The following ST14 variants were observed in gnomAD, a reference collection of about 807,000 sequenced individuals.
ST14 encodes the protein ST14 transmembrane serine protease matriptase, also known as suppressor of tumorigenicity 14 protein.
A neutral mutation model predicts 96.5 loss-of-function variants in ST14; 40 were observed. The ratio of observed to expected loss-of-function variants is 0.41; its 90% CI spans 0.32 to 0.54. The LOEUF (loss-of-function observed/expected upper bound fraction) is 0.54. ST14 is among the 20% of genes least tolerant of loss of function. The probability of loss-of-function intolerance (pLI) is 0.17; values close to 1 mark genes in which losing one functional copy is unlikely to be tolerated. For missense variants in ST14, 1,066 were observed against 1,188.9 expected (o/e 0.90, Z 1.52); for synonymous variants, 506 against 492.1 (o/e 1.03, Z -0.37).
rs759150159 is a variant in ST14, at chr11:130,188,161, C to A, written c.129C>A (p.Asn43Lys). The change falls in exon 2 of 19, where the codon AAC becomes AAA. Residue 43 changes from asparagine to lysine, a missense_variant. Coordinates refer to ENST00000278742, the MANE Select transcript of ST14 (RefSeq NM_021978.4). The surrounding 1 kb of genome is among the most constrained non-coding windows in gnomAD (Gnocchi z 5.4). ...EEGVEFLPVN[N>K]VKKVEKHGPG... ...GCGTGGAGTTCCTGCCAGTCAACAA[C>A]GTCAAGAAGGTGGAAAAGCATGGCC... 1 of 1,614,198 alleles carries A rather than the reference C, an allele frequency of 6.2e-7. No individual in the cohort carries two copies. The highest frequency in any genetic ancestry group is 2.2e-5 in the East Asian group (1 of 44,884).
At position 130,181,080 on chromosome 11, in the gene ST14, C is replaced by T. The variant is rs1323634651; in HGVS notation, c.82-7034C>T. Among the ~76,000 whole-genome samples, 1 of 151,436 alleles carries T rather than the reference C, an allele frequency of 6.6e-6. No homozygotes were observed. The highest frequency in any genetic ancestry group is 1.9e-4 in the East Asian group (1 of 5,156). ...TTGGGTGAGATGGTGGTGGTCTGAT[C>T]TTGTCCCTGCTGGATGGGATGGCGG... On this transcript the variant is annotated intron_variant, in intron 1 of 18. Transcript: ENST00000278742. The surrounding 1 kb of genome is among the most constrained non-coding windows in gnomAD (Gnocchi z 4.1).
chr11:130,198,622 G>T lies in ST14; in HGVS notation c.1684+1G>T. The T allele has an allele frequency of 6.2e-7, 1 of 1,612,056 alleles. No individual in the cohort carries two copies. Among genetic ancestry groups the T allele is most frequent in the Non-Finnish European group, 8.5e-7 (1 of 1,178,732 alleles). On this transcript the variant is annotated splice_donor_variant, in intron 14 of 18. Coordinates refer to ENST00000278742, the MANE Select transcript of ST14 (RefSeq NM_021978.4). LOFTEE classifies it high-confidence loss of function. ...TCCGACGAGGCCTCCTGCCCCAAGG[G>T]TGAGGCCCGCCCCACCCATCTTCCT...
intron 16 of ST14, among the ~76,000 whole-genome samples, chr11:130,206,773 G>A (rs1425847083): frequency 6.6e-6 from 1 of 151,918 alleles, no homozygotes; most frequent in Non-Finnish European, 1.5e-5. Flanking sequence ...TCACCATGCT[G>A]GCCAGGCTGG....
rs182276812 is a variant in ST14, at chr11:130,199,076, A to G, written c.1807+7A>G. ...TCAGATGAGAAGGACTGCGGTGAGC[A>G]GGGCATCCGAGTACGGTTGTGCAGG... On this transcript the variant is annotated splice_region_variant and intron_variant, in intron 15 of 18. Transcript: ENST00000278742. 7.9e-5 allele frequency: 128 copies of G among 1,612,868 alleles called. No homozygotes were observed. The African/African-American group carries it at 1.6e-3, about 20-fold the overall frequency.
At chr11:130,206,718 C>A (rs1256185043) in intron 16 of ST14, among the ~76,000 whole-genome samples, 2 of 152,056 alleles carry the variant, frequency 1.3e-5, no homozygotes, top group African/African-American at 4.8e-5. Flanking sequence ...CAGGCACCGG[C>A]CACCACACCT....
chr11:130,184,664 A>G (rs886705119), intron 1 of ST14, among the ~76,000 whole-genome samples: 3 of 152,070 alleles, frequency 2.0e-5, no homozygotes, highest in Non-Finnish European at 4.4e-5. Flanking sequence ...CCAAATCTCC[A>G]CCTTGGCCCC....
intron 16 of ST14, among the ~76,000 whole-genome samples, chr11:130,203,027 G>A (rs953110482): frequency 6.6e-6 from 1 of 152,174 alleles, no homozygotes; most frequent in Non-Finnish European, 1.5e-5. Flanking sequence ...TGCCTTAAAC[G>A]TTAGAGGCTG....
Position 130,190,945 on chromosome 11 carries a change from C to A in ST14, c.875+251C>A, listed in dbSNP as rs186698429. On this transcript the variant is annotated intron_variant, in intron 7 of 18. Transcript: ENST00000278742. ...CCCCAGATACCAAATCCAGCCTGTGCGGCCTGTGCCCTGAACCGCCGGAGA... is the reference window on the plus strand; with the variant it reads ...CCCCAGATACCAAATCCAGCCTGTGAGGCCTGTGCCCTGAACCGCCGGAGA... Among the ~76,000 whole-genome samples the A allele has an allele frequency of 3.0e-4, 46 of 152,326 alleles. 1 individual carries two copies. Among genetic ancestry groups the A allele is most frequent in the Middle Eastern group, 6.8e-3 (2 of 294 alleles).
Position 130,209,762 on chromosome 11 carries a change from C to T in ST14, c.2507C>T (p.Pro836Leu). ...GACGGCTGCGCTCAGAGGAACAAGC[C>T]AGGCGTGTACACAAGGCTCCCTCTG... ...WGDGCAQRNK[P>L]GVYTRLPLFR... Residue 836 changes from proline to leucine, a missense_variant, in exon 19 of 19, where the codon CCA becomes CTA. Transcript: ENST00000278742. 2 of 1,614,046 alleles carry T rather than the reference C, an allele frequency of 1.2e-6. No homozygotes were observed. The highest frequency in any genetic ancestry group is 1.1e-5 in the South Asian group (1 of 91,090).
intron 6 of ST14, 90 bp downstream of exon 6, chr11:130,190,238 TC>T: frequency 1.9e-6 from 3 of 1,541,748 alleles, no homozygotes; most frequent in East Asian, 2.2e-5. Context: ...CAGAAGCATG[TC>T]CCTCTGAATG....
rs748099225 is a variant in ST14 at position 130,194,632 on chromosome 11, C to T, written c.1016-8C>T. Reference sequence around the variant, plus strand: ...GATCCTCTTGCTTTCTCCCACCTTCCCTCTCAGGCTGTGGAGGCCGCTTAC... The same window carrying T: ...GATCCTCTTGCTTTCTCCCACCTTCTCTCTCAGGCTGTGGAGGCCGCTTAC... On this transcript the variant is annotated splice_polypyrimidine_tract_variant and splice_region_variant and intron_variant, in intron 8 of 18. Coordinates refer to ENST00000278742, the MANE Select transcript of ST14 (RefSeq NM_021978.4). The T allele has an allele frequency of 2.5e-6, 4 of 1,613,948 alleles. No homozygotes were observed. In the African/African-American group the frequency reaches 5.3e-5, roughly 22 times the overall value.
At chr11:130,194,880 ATG>A (rs1027278991) in intron 9 of ST14, 143 bp downstream of exon 9, 231 of 774,466 alleles carry the variant, frequency 3.0e-4, no homozygotes, top group Non-Finnish European at 4.0e-4. Context: ...GTGTGTGCGT[ATG>A]TGTGTGTGTG....
At chr11:130,177,520 G>A (rs993456112) in intron 1 of ST14, among the ~76,000 whole-genome samples, 42 of 152,218 alleles carry the variant, frequency 2.8e-4, no homozygotes, top group African/African-American at 9.6e-4. Context: ...CCGATATGGC[G>A]CCATTGCACT....
intron 6 of ST14, 110 bp downstream of exon 6, chr11:130,190,258 T>A: frequency 6.6e-7 from 1 of 1,512,138 alleles, no homozygotes; most frequent in Non-Finnish European, 9.2e-7. Context: ...TGAAGTATAT[T>A]ATGACGATCT....
At chr11:130,206,790 ACTC>A (rs1381873839) in intron 16 of ST14, among the ~76,000 whole-genome samples, 2 of 149,238 alleles carry the variant, frequency 1.3e-5, no homozygotes, top group African/African-American at 4.9e-5. Context: ...CTGGTCTTGA[ACTC>A]CTAACCTCAG....
chr11:130,175,666 G>C (rs1168994226), intron 1 of ST14, among the ~76,000 whole-genome samples: 1 of 148,674 alleles, frequency 6.7e-6, no homozygotes, highest in Non-Finnish European at 1.5e-5. Flanking sequence ...TTACAGGCGT[G>C]AGCCACCACA....
intron 1 of ST14, among the ~76,000 whole-genome samples, chr11:130,172,669 A>G (rs974039949): frequency 6.6e-6 from 1 of 152,002 alleles, no homozygotes; most frequent in Non-Finnish European, 1.5e-5. Flanking sequence ...CGCCCGCCTC[A>G]GCCTCCCAAA....
Position 130,188,955 on chromosome 11 carries a change from A to G in ST14, c.440+16A>G, listed in dbSNP as rs1158540887. 21 of 1,604,620 alleles carry G rather than the reference A, an allele frequency of 1.3e-5. No individual in the cohort carries two copies. Among genetic ancestry groups the G allele is most frequent in the Non-Finnish European group, 1.7e-5 (20 of 1,176,206 alleles). On this transcript the variant is annotated intron_variant, in intron 4 of 18. Transcript: ENST00000278742. The surrounding 1 kb of genome is among the most constrained non-coding windows in gnomAD (Gnocchi z 5.4). ...CGGCCTTCAGGTGGGTGTGGAGAGA[A>G]GGCTCAGTGGGATGCACCCCAGACT...
chr11:130,167,011 G>A (rs866840418), intron 1 of ST14, among the ~76,000 whole-genome samples: 1 of 152,216 alleles, frequency 6.6e-6, no homozygotes, highest in African/African-American at 2.4e-5. Flanking sequence ...AGGAGTTCAA[G>A]ACTAGCCTGG....
Sources: allele counts gnomAD v4.1 joint callset (sites outside exome capture counted in the v4.1 genomes callset), GRCh38; gene constraint gnomAD v4.1.1; non-coding constraint Gnocchi (gnomAD v3.1); transcripts MANE v1.5; gene names NCBI Gene and HGNC (gene_info 2026-07-23, HGNC 2026-07-21).